Variants in GSPT1 observed in about 807,000 individuals in gnomAD.
GSPT1 encodes the protein eukaryotic peptide chain release factor GTP-binding subunit ERF3A.
A neutral mutation model predicts 72.5 loss-of-function variants in GSPT1; 20 were observed. The ratio of observed to expected loss-of-function variants is 0.28; its 90% confidence interval spans 0.19 to 0.40. The LOEUF is 0.40. Ranked by LOEUF, GSPT1 falls within the 10% of genes least tolerant of loss-of-function variation. The probability of loss-of-function intolerance (pLI) is 1.00; values close to 1 mark genes in which losing one functional copy is unlikely to be tolerated. For missense variants in GSPT1, 580 were observed against 811.9 expected, an observed-to-expected ratio of 0.71 and a Z score of 3.47; for synonymous variants, 334 against 293.5, an observed-to-expected ratio of 1.14 and a Z score of -1.41.
chr16:11,873,356 G>A (rs900685334), intron 14 of GSPT1, among the ~76,000 whole-genome samples, 185 bp from the exon 15 acceptor site: 14 of 151,984 alleles, frequency 9.2e-5, no homozygotes, highest in Non-Finnish European at 1.9e-4. Context: ...TATTTGGGGG[G>A]GCTGGTAAAG....
chr16:11,873,287 A>G lies in GSPT1; in HGVS notation c.1862-116T>C. 5.3e-6 allele frequency: 3 copies of G among 567,584 alleles called. No homozygotes were observed. The South Asian group carries it at 7.4e-5, about 14-fold the overall frequency. 35.2% of individuals were successfully genotyped at this position (567,584 alleles called of 1,614,324 possible). A position where few individuals can be genotyped will look rare whatever the true frequency, so the allele number is the denominator to read the frequency against. ...TTTTTACAATGTAAGTTACTAATTAACTAGCTTTACTGCCAAACCCATGAT... is the reference window on the plus strand; with the variant it reads ...TTTTTACAATGTAAGTTACTAATTAGCTAGCTTTACTGCCAAACCCATGAT... On this transcript the variant is annotated intron_variant, in intron 14 of 14. Coordinates refer to ENST00000434724, the MANE Select transcript of GSPT1 (RefSeq NM_002094.4).
At chr16:11,885,362 A>G (rs1480116080) in intron 9 of GSPT1, 88 bp from the exon 10 acceptor site, 1 of 690,064 alleles carries the variant, frequency 1.4e-6, no homozygotes, top group Non-Finnish European at 2.7e-6. Context: ...TTCTAATAAT[A>G]TTTTCATTCT....
Position 11,870,269 on chromosome 16 carries a change from G to T in GSPT1, c.*2850C>A, listed in dbSNP as rs1243561707. 1 of 152,136 alleles carries T rather than the reference G, an allele frequency of 6.6e-6. No homozygotes were observed. The highest frequency in any genetic ancestry group is 1.5e-5 in the Non-Finnish European group (1 of 68,030). 9.4% of individuals were successfully genotyped at this position (152,136 alleles called of 1,614,324 possible). On this transcript the variant is annotated 3_prime_UTR_variant, in exon 15 of 15. Coordinates refer to ENST00000434724, the MANE Select transcript of GSPT1 (RefSeq NM_002094.4). ...AAATTAAAAACAAGAAATGAGTGCT[G>T]TATTTCCCCCTCTCCCACAGTAAGA...
intron 3 of GSPT1, among the ~76,000 whole-genome samples, chr16:11,897,112 C>A (rs573080237): frequency 5.7e-4 from 87 of 152,174 alleles, no homozygotes; most frequent in Admixed American, 4.5e-3. Flanking sequence ...TTGAGACACC[C>A]TGATAGTAAG....
Position 11,899,717 on chromosome 16 carries a change from C to G in GSPT1, c.353-1682G>C, listed in dbSNP as rs142228873. On this transcript the variant is annotated intron_variant, in intron 1 of 14. Transcript: ENST00000434724. Reference sequence around the variant, plus strand: ...AAGGATAAGGTAAGGAAAAATTACTCAGTTTTCAGAGGAAGCCAGGTAGTA... The same window carrying G: ...AAGGATAAGGTAAGGAAAAATTACTGAGTTTTCAGAGGAAGCCAGGTAGTA... Among the ~76,000 whole-genome samples the G allele has an allele frequency of 1.1e-4, 17 of 152,198 alleles. No individual in the cohort carries two copies. The East Asian group carries it at 3.3e-3, about 29-fold the overall frequency.
intron 5 of GSPT1, among the ~76,000 whole-genome samples, chr16:11,892,445 G>T (rs897783177): frequency 6.9e-6 from 1 of 145,786 alleles, no homozygotes; most frequent in African/African-American, 2.5e-5. Context: ...TGAGGTTGAG[G>T]CTGCAGTGAG....
In GSPT1 at chr16:11,915,907, A is replaced by C; in HGVS notation, c.-187T>G. ...TCCCGACTCCACACTCGCGACGACGACAGAGGCGGCGGCGGCGGCAGCTCA... is the reference window on the plus strand; with the variant it reads ...TCCCGACTCCACACTCGCGACGACGCCAGAGGCGGCGGCGGCGGCAGCTCA... On this transcript the variant is annotated 5_prime_UTR_variant, in exon 1 of 15. Coordinates refer to ENST00000434724, the MANE Select transcript of GSPT1 (RefSeq NM_002094.4). The C allele has an allele frequency of 2.3e-6, 2 of 862,168 alleles. No individual in the cohort carries two copies. The highest frequency in any genetic ancestry group is 3.9e-6 in the Non-Finnish European group (2 of 514,364). 53.4% of individuals were successfully genotyped at this position (862,168 alleles called of 1,614,324 possible). A position where few individuals can be genotyped will look rare whatever the true frequency, so the allele number is the denominator to read the frequency against.
chr16:11,897,557 C>T (rs2054355738), intron 3 of GSPT1, among the ~76,000 whole-genome samples: 1 of 152,128 alleles, frequency 6.6e-6, no homozygotes, highest in East Asian at 1.9e-4. Context: ...TACACTCCAG[C>T]CTGGGCGACA....
At chr16:11,876,209 C>T (rs766206083) in intron 12 of GSPT1, 34 bp from the exon 13 acceptor site, 1 of 1,288,256 alleles carries the variant, frequency 7.8e-7, no homozygotes, top group Non-Finnish European at 1.1e-6. Flanking sequence ...TTATCTTTAG[C>T]CTTAGGGTAA....
In GSPT1 at chr16:11,891,464, T is replaced by A. The variant is rs535863946; in HGVS notation, c.699-325A>T. Among the ~76,000 whole-genome samples the A allele has an allele frequency of 6.1e-3, 915 of 149,948 alleles. 12 individuals are homozygous for A. Among genetic ancestry groups the A allele is most frequent in the African/African-American group, 0.021 (859 of 40,820 alleles). On this transcript the variant is annotated intron_variant, in intron 5 of 14. Transcript: ENST00000434724. ...GCAACCTCTGCCTCCTGGGTTCAAGTGATTCTCCTGCCTCAGCCTCCTGAG... is the reference window on the plus strand; with the variant it reads ...GCAACCTCTGCCTCCTGGGTTCAAGAGATTCTCCTGCCTCAGCCTCCTGAG...
intron 9 of GSPT1, 128 bp from the exon 10 acceptor site, chr16:11,885,402 TA>T: frequency 1.6e-6 from 1 of 611,114 alleles, no homozygotes; most frequent in East Asian, 2.9e-5. Context: ...TCAACCACTT[TA>T]TTATCCATTT....
chr16:11,908,011 G>C (rs1351155079), intron 1 of GSPT1, among the ~76,000 whole-genome samples: 2 of 152,184 alleles, frequency 1.3e-5, no homozygotes, highest in Non-Finnish European at 2.9e-5. Flanking sequence ...GGAGGCTGAA[G>C]TGGGCAGATC....
At chr16:11,915,146 T>C in intron 1 of GSPT1, 1 of 1,043,600 alleles carries the variant, frequency 9.6e-7, no homozygotes, top group Non-Finnish European at 1.2e-6. Flanking sequence ...GGTCCGGGTC[T>C]TTGGGCGCGC....
intron 13 of GSPT1, 27 bp downstream of exon 13, chr16:11,876,059 G>C (rs181080797): frequency 6.6e-7 from 1 of 1,517,646 alleles, no homozygotes; most frequent in Non-Finnish European, 9.1e-7. Flanking sequence ...TATTAAAACA[G>C]AAATAAACCA....
Position 11,873,116 on chromosome 16 carries a change from T to G in GSPT1, c.*3A>C. On this transcript the variant is annotated 3_prime_UTR_variant, in exon 15 of 15. Transcript: ENST00000434724. ...GTATTGTGCAGGGTCATCAAGAAAA[T>G]GCTTAGTCTTTCTCTGGAACCAGTT... The G allele has an allele frequency of 3.2e-6, 5 of 1,569,722 alleles. No homozygotes were observed. The highest frequency in any genetic ancestry group is 4.4e-6 in the Non-Finnish European group (5 of 1,139,924).
At chr16:11,910,322 C>T (rs1179162106) in intron 1 of GSPT1, among the ~76,000 whole-genome samples, 2 of 152,340 alleles carry the variant, frequency 1.3e-5, no homozygotes, top group East Asian at 3.9e-4. Flanking sequence ...TCTACACTCT[C>T]TGCAGGGCTC....
intron 1 of GSPT1, among the ~76,000 whole-genome samples, chr16:11,898,744 C>T (rs1351585398): frequency 6.6e-6 from 1 of 151,918 alleles, no homozygotes; most frequent in African/African-American, 2.4e-5. Flanking sequence ...GCCACCGCAT[C>T]CAGCCTGTGA....
At chr16:11,874,388 T>G (rs1180203696) in intron 14 of GSPT1, among the ~76,000 whole-genome samples, 1 of 149,358 alleles carries the variant, frequency 6.7e-6, no homozygotes, top group Non-Finnish European at 1.5e-5. Context: ...CTTCTGGTAG[T>G]AATCCTGTGG....
chr16:11,910,235 A>T (rs1037915511), intron 1 of GSPT1, among the ~76,000 whole-genome samples: 1 of 152,188 alleles, frequency 6.6e-6, no homozygotes, highest in African/African-American at 2.4e-5. Context: ...ATAATAGATA[A>T]ATCTTTAGTT....
Sources: gnomAD v4.1 joint callset for allele counts (sites outside exome capture counted in the v4.1 genomes callset) on GRCh38, gnomAD v4.1.1 for gene constraint, MANE v1.5 for transcripts, NCBI Gene and HGNC (gene_info 2026-07-23, HGNC 2026-07-21) for gene names.